PYROXD2: variants seen among roughly 807,000 people sequenced by gnomAD.
PYROXD2 encodes pyridine nucleotide-disulphide oxidoreductase domain 2.
A neutral mutation model predicts 71.1 loss-of-function variants in PYROXD2; 69 were observed. The observed-to-expected ratio is 0.97, with a 90% CI of 0.80 to 1.19. The LOEUF (loss-of-function observed/expected upper bound fraction) is 1.19, where lower values mean the gene tolerates loss of function less well. Ranked by LOEUF, PYROXD2 falls within the 50% of genes most tolerant of loss-of-function variation. PYROXD2 has a pLI of 0.00. For synonymous variants in PYROXD2, 287 were observed against 302.7 expected (o/e 0.95, Z 0.54); for missense variants, 745 against 748.9 (o/e 0.99, Z 0.06).
At chr10:98,384,857 T>A in intron 15 of PYROXD2, 90 bp downstream of exon 15, 1 of 1,462,282 alleles carries the variant, frequency 6.8e-7, no homozygotes, top group South Asian at 1.5e-5. Context: ...CTCTGCCACC[T>A]TCATTGCTTA....
intron 4 of PYROXD2, among the ~76,000 whole-genome samples, chr10:98,404,358 G>A (rs1010106347): frequency 6.6e-6 from 1 of 152,174 alleles, no homozygotes; most frequent in African/African-American, 2.4e-5. Context: ...GAGACTGTGA[G>A]CATACTCCAG....
chr10:98,385,966 T>C (rs1277257085), intron 14 of PYROXD2, among the ~76,000 whole-genome samples: 1 of 152,132 alleles, frequency 6.6e-6, no homozygotes, highest in Non-Finnish European at 1.5e-5. Context: ...TTTGATTTAT[T>C]AGTAGCTACA....
chr10:98,391,122 A>C (rs1037269446), intron 10 of PYROXD2, 40 bp from the exon 11 acceptor site: 3 of 1,291,168 alleles, frequency 2.3e-6, no homozygotes, highest in Non-Finnish European at 3.4e-6. Flanking sequence ...CAGATGTCCA[A>C]GGCCCCAAGG....
At chr10:98,406,361 G>A (rs1271676574) in intron 4 of PYROXD2, among the ~76,000 whole-genome samples, 1 of 152,206 alleles carries the variant, frequency 6.6e-6, no homozygotes, top group Admixed American at 6.5e-5. Flanking sequence ...CCCAACATCT[G>A]CCACTATGAA....
chr10:98,386,395 A>C (rs571856897), intron 14 of PYROXD2, among the ~76,000 whole-genome samples: 1 of 151,834 alleles, frequency 6.6e-6, no homozygotes, highest in Non-Finnish European at 1.5e-5. Flanking sequence ...TGTCAATAAT[A>C]TATTTTATTT....
At chr10:98,388,076 T>A (rs1842816099) in intron 13 of PYROXD2, 1 of 396,158 alleles carries the variant, frequency 2.5e-6, no homozygotes, top group African/African-American at 2.1e-5. Flanking sequence ...GTTCGTGCAG[T>A]CAGCTGTGCT....
chr10:98,403,400 T>A (rs1416816339), intron 4 of PYROXD2, among the ~76,000 whole-genome samples: 1 of 152,176 alleles, frequency 6.6e-6, no homozygotes, highest in Non-Finnish European at 1.5e-5. Context: ...TTCCTCCGAG[T>A]CCTCACCAGC....
At chr10:98,394,748 G>C (rs571136252) in intron 8 of PYROXD2, among the ~76,000 whole-genome samples, 2 of 152,112 alleles carry the variant, frequency 1.3e-5, no homozygotes, top group Non-Finnish European at 2.9e-5. Context: ...GTGTACCAGA[G>C]CCCAGGGGAA....
rs116770927 is a variant in PYROXD2, at chr10:98,409,445, C to T, written c.148-1448G>A. Among the ~76,000 whole-genome samples the T allele has an allele frequency of 5.0e-3, 763 of 152,352 alleles. 6 individuals are homozygous for T. The highest frequency in any genetic ancestry group is 0.017 in the African/African-American group (721 of 41,584). ...AAATCCTGTGCTAGGTTCTTTCTAA[C>T]ACCTTCCTACTGAGGCAACCCGAGG... On this transcript the variant is annotated intron_variant, in intron 2 of 15. Coordinates refer to ENST00000370575, the MANE Select transcript of PYROXD2 (RefSeq NM_032709.3).
At chr10:98,393,144 G>C in intron 8 of PYROXD2, 61 bp from the exon 9 acceptor site, 1 of 1,300,484 alleles carries the variant, frequency 7.7e-7, no homozygotes, top group African/African-American at 1.5e-5. Context: ...CAGAGTTCCA[G>C]GTGCAACTAT....
chr10:98,399,828 C>T (rs1487070075), intron 5 of PYROXD2, among the ~76,000 whole-genome samples: 1 of 152,240 alleles, frequency 6.6e-6, no homozygotes, highest in African/African-American at 2.4e-5. Flanking sequence ...TCCTCTTGAA[C>T]TCAGCAGGCA....
intron 1 of PYROXD2, 149 bp downstream of exon 1, chr10:98,414,860 G>A: frequency 8.2e-7 from 1 of 1,219,494 alleles, no homozygotes; most frequent in African/African-American, 1.5e-5. Flanking sequence ...GCTTTCCATT[G>A]CAGCCCCTGC....
Position 98,395,384 on chromosome 10 carries a change from C to T in PYROXD2, c.687+7G>A. On this transcript the variant is annotated splice_region_variant and intron_variant, in intron 7 of 15. Coordinates refer to ENST00000370575, the MANE Select transcript of PYROXD2 (RefSeq NM_032709.3). The stretch of plus-strand genomic sequence containing the variant: ...CTGGTCGGGCCTGAGGCTGGGGAAC[C>T]ACTCACCTTGGTAATGGGAGCTGTG... 2 of 1,614,082 alleles carry T rather than the reference C, an allele frequency of 1.2e-6. No individual in the cohort carries two copies. Among genetic ancestry groups the T allele is most frequent in the African/African-American group, 2.7e-5 (2 of 75,046 alleles).
intron 4 of PYROXD2, among the ~76,000 whole-genome samples, chr10:98,403,303 T>A (rs941069646): frequency 3.9e-5 from 6 of 152,192 alleles, no homozygotes; most frequent in Admixed American, 3.3e-4. Flanking sequence ...ATCCGCTGCC[T>A]CCAGAATCTG....
chr10:98,394,129 C>T (rs1843056538), intron 8 of PYROXD2, among the ~76,000 whole-genome samples: 1 of 152,204 alleles, frequency 6.6e-6, no homozygotes, highest in Admixed American at 6.5e-5. Context: ...TGTCTCTCAC[C>T]CATCAGGACA....
chr10:98,406,060 C>T (rs747072986), intron 4 of PYROXD2, among the ~76,000 whole-genome samples: 1 of 152,188 alleles, frequency 6.6e-6, no homozygotes, highest in African/African-American at 2.4e-5. Context: ...GCCCTCCAGG[C>T]TGTCAATGTC....
rs773609541 is a variant in PYROXD2 at position 98,407,578 on chromosome 10, C to T, written c.315+4G>A. The T allele has an allele frequency of 1.2e-6, 2 of 1,613,586 alleles. No individual in the cohort carries two copies. Among genetic ancestry groups the T allele is most frequent in the African/African-American group, 1.3e-5 (1 of 75,030 alleles). On this transcript the variant is annotated splice_donor_region_variant and intron_variant, in intron 4 of 15. Coordinates refer to ENST00000370575, the MANE Select transcript of PYROXD2 (RefSeq NM_032709.3). ...GTGCAATCGGGCCGGCGGGGGGGCC[C>T]TACCTTCAGCTCCAGATCAGTGTAA... is the stretch of plus-strand genomic sequence containing the variant.
chr10:98,385,855 G>A (rs191483010), intron 14 of PYROXD2, among the ~76,000 whole-genome samples: 81 of 152,274 alleles, frequency 5.3e-4, no homozygotes, highest in Non-Finnish European at 9.6e-4. Flanking sequence ...CATGCCTGCT[G>A]TACCCAGCCA....
intron 2 of PYROXD2, among the ~76,000 whole-genome samples, chr10:98,410,087 T>A (rs919812736): frequency 4.6e-5 from 7 of 151,590 alleles, no homozygotes; most frequent in Admixed American, 2.6e-4. Context: ...TCAAAAAAAA[T>A]TAAAATAAAA....
Sources: gnomAD v4.1 joint callset for allele counts (sites outside exome capture counted in the v4.1 genomes callset) on GRCh38, gnomAD v4.1.1 for gene constraint, MANE v1.5 for transcripts, NCBI Gene and HGNC (gene_info 2026-07-23, HGNC 2026-07-21) for gene names.